Variants in MSRA observed in about 807,000 individuals in gnomAD.
The protein encoded by MSRA is methionine sulfoxide reductase A.
Under a neutral mutation model 31.3 loss-of-function variants are expected in MSRA, and 54 were observed. That is an observed-to-expected ratio of 1.73 (90% CI 1.39 to 2.17). The LOEUF (loss-of-function observed/expected upper bound fraction) is 2.17. Ranked by LOEUF, MSRA falls within the 30% of genes most tolerant of loss-of-function variation. The pLI, the probability that MSRA is intolerant of heterozygous loss-of-function variation, is 0.00. For missense variants in MSRA, 507 were observed against 300.9 expected (o/e 1.69, Z -5.07); for synonymous variants, 169 against 116.5 (o/e 1.45, Z -2.90).
intron 1 of MSRA, among the ~76,000 whole-genome samples, chr8:10,148,809 A>G (rs1803390774): frequency 1.6e-5 from 2 of 125,396 alleles, no homozygotes; most frequent in South Asian, 2.9e-4. Context: ...CGCAAAAAAA[A>G]AAAAAAAGGA....
At chr8:10,071,811 A>G (rs1797745724) in intron 1 of MSRA, among the ~76,000 whole-genome samples, 2 of 152,188 alleles carry the variant, frequency 1.3e-5, no homozygotes, top group Admixed American at 6.5e-5. Flanking sequence ...CATTATGCCA[A>G]CCATCAGGAA....
chr8:10,283,160 A>ACACACACTCTCTCTCTCT, intron 3 of MSRA, among the ~76,000 whole-genome samples: 1 of 140,238 alleles, frequency 7.1e-6, no homozygotes, highest in South Asian at 2.3e-4. Context: ...ACACACACAC[A>ACACACACTCTCTCTCTCT]CTCTCACCCT....
chr8:10,328,576 C>A (rs1802513007), intron 5 of MSRA, among the ~76,000 whole-genome samples: 1 of 152,110 alleles, frequency 6.6e-6, no homozygotes, highest in African/African-American at 2.4e-5. Flanking sequence ...CCTGTGTCAG[C>A]ATCTTCCACG....
At chr8:10,374,996 C>T (rs1214321693) in intron 5 of MSRA, among the ~76,000 whole-genome samples, 3 of 152,182 alleles carry the variant, frequency 2.0e-5, no homozygotes, top group African/African-American at 7.2e-5. Flanking sequence ...TCCCCTTTAC[C>T]TTCTGCCATG....
chr8:10,421,874 T>C (rs1457741868), intron 5 of MSRA, among the ~76,000 whole-genome samples: 1 of 152,102 alleles, frequency 6.6e-6, no homozygotes, highest in East Asian at 1.9e-4. Flanking sequence ...AAATGGGGAT[T>C]CCATGGGGGA....
At chr8:10,154,171 G>A (rs923750971) in intron 1 of MSRA, among the ~76,000 whole-genome samples, 2 of 152,166 alleles carry the variant, frequency 1.3e-5, no homozygotes, top group Non-Finnish European at 2.9e-5. Flanking sequence ...TGAGGGATGG[G>A]AATTTGTCAA....
At chr8:10,058,458 T>G (rs1340593731) in intron 1 of MSRA, among the ~76,000 whole-genome samples, 1 of 152,176 alleles carries the variant, frequency 6.6e-6, no homozygotes, top group African/African-American at 2.4e-5. Context: ...ATATAAGTAA[T>G]CCAGATTGAC....
chr8:10,273,774 G>T (rs1563295608), intron 3 of MSRA, among the ~76,000 whole-genome samples: 1 of 152,036 alleles, frequency 6.6e-6, no homozygotes, highest in East Asian at 1.9e-4. Context: ...CACTGTTAGG[G>T]CTACTTTTCA....
At chr8:10,095,833 A>G in intron 1 of MSRA, 1 of 1,249,080 alleles carries the variant, frequency 8.0e-7, no homozygotes, top group Non-Finnish European at 1.0e-6. Context: ...TTCAAAACGA[A>G]GCTTCCATAG....
intron 1 of MSRA, among the ~76,000 whole-genome samples, chr8:10,079,433 G>C (rs546909643): frequency 2.6e-5 from 4 of 152,128 alleles, no homozygotes; most frequent in Non-Finnish European, 5.9e-5. Context: ...GGACTTACAG[G>C]TGTGAGCCAC....
At chr8:10,246,452 TAGGG>T (rs1211271902) in intron 3 of MSRA, among the ~76,000 whole-genome samples, 2 of 152,230 alleles carry the variant, frequency 1.3e-5, no homozygotes, top group Non-Finnish European at 2.9e-5. Flanking sequence ...GAGGTCTTAA[TAGGG>T]AGGGAGTATC....
intron 3 of MSRA, among the ~76,000 whole-genome samples, chr8:10,274,484 T>G (rs1162923948): frequency 6.6e-6 from 1 of 152,204 alleles, no homozygotes; most frequent in African/African-American, 2.4e-5. Context: ...CTCAGTCATT[T>G]TGCGGAAGTT....
intron 1 of MSRA, among the ~76,000 whole-genome samples, chr8:10,085,879 A>T (rs936872494): frequency 6.6e-6 from 1 of 152,218 alleles, no homozygotes; most frequent in African/African-American, 2.4e-5. Context: ...TCCACCTAGC[A>T]TAGTGTTCCT....
In MSRA at chr8:10,391,640, C is replaced by G. The variant is rs546722005; in HGVS notation, c.544-36508C>G. ...CTGGGTGAGTTCCCTGGGCCACACA[C>G]TGGCCATCTGACCTGAGGCTGAGCG... On this transcript the variant is annotated intron_variant, in intron 5 of 5. Coordinates refer to ENST00000317173, the MANE Select transcript of MSRA (RefSeq NM_012331.5). Among the ~76,000 whole-genome samples, 21 of 152,344 alleles carry G rather than the reference C, an allele frequency of 1.4e-4. No individual in the cohort carries two copies. In the South Asian group the frequency reaches 4.1e-3, roughly 30 times the overall value.
chr8:10,192,362 G>T (rs7822181), intron 1 of MSRA, among the ~76,000 whole-genome samples: 74,375 of 151,990 alleles, frequency 0.49, 18,355 homozygotes, highest in South Asian at 0.6. Flanking sequence ...ACCAGTGAGC[G>T]GTAGAGTGGA....
intron 3 of MSRA, among the ~76,000 whole-genome samples, chr8:10,263,705 C>T (rs770837829): frequency 1.3e-5 from 2 of 152,142 alleles, no homozygotes; most frequent in Non-Finnish European, 2.9e-5. Context: ...GGGAAGCCTG[C>T]TGGGGACAGG....
At chr8:10,304,953 C>T (rs1329898074) in intron 4 of MSRA, among the ~76,000 whole-genome samples, 1 of 152,122 alleles carries the variant, frequency 6.6e-6, no homozygotes, top group Non-Finnish European at 1.5e-5. Flanking sequence ...GCCAGAATTG[C>T]TTATCAACAA....
intron 1 of MSRA, among the ~76,000 whole-genome samples, chr8:10,160,503 A>C (rs1804541954): frequency 6.6e-6 from 1 of 152,152 alleles, no homozygotes; most frequent in African/African-American, 2.4e-5. Flanking sequence ...TAAAAAAAAA[A>C]AAAAATCTAT....
intron 1 of MSRA, among the ~76,000 whole-genome samples, chr8:10,132,757 C>T (rs1801988880): frequency 6.6e-6 from 1 of 152,168 alleles, no homozygotes; most frequent in Non-Finnish European, 1.5e-5. Flanking sequence ...GCCTTGTGTG[C>T]CAGGGACTGT....
Sources: allele counts gnomAD v4.1 joint callset (sites outside exome capture counted in the v4.1 genomes callset), GRCh38; gene constraint gnomAD v4.1.1; transcripts MANE v1.5; gene names NCBI Gene and HGNC (gene_info 2026-07-23, HGNC 2026-07-21).